The following RBFOX1 variants were observed in gnomAD, a reference collection of about 807,000 sequenced individuals.
RBFOX1 encodes RNA binding fox-1 homolog 1.
A neutral mutation model predicts 57.7 loss-of-function variants in RBFOX1; 8 were observed. The observed-to-expected ratio is 0.14, with a 90% CI of 0.08 to 0.25. RBFOX1 has a LOEUF of 0.25. Among genes scored for constraint, RBFOX1 ranks in the 10% least tolerant of loss-of-function variants. The pLI, the probability that RBFOX1 is intolerant of heterozygous loss-of-function variation, is 1.00. For missense variants in RBFOX1, 611 were observed against 548.5 expected (o/e 1.11, Z -1.14); for synonymous variants, 326 against 222.4 (o/e 1.47, Z -4.15).
At chr16:7,618,120 A>C (rs1261165198) in intron 10 of RBFOX1, among the ~76,000 whole-genome samples, 4 of 152,222 alleles carry the variant, frequency 2.6e-5, no homozygotes, top group African/African-American at 9.6e-5. Context: ...GAGATTAGAG[A>C]GTACCTTCTA....
intron 3 of RBFOX1, among the ~76,000 whole-genome samples, chr16:7,036,325 ATTTTT>A (rs1222692414): frequency 6.6e-6 from 1 of 152,034 alleles, no homozygotes; most frequent in Non-Finnish European, 1.5e-5. Flanking sequence ...GCAGTAGCCA[ATTTTT>A]CACAATCTTG....
At chr16:6,608,378 T>C (rs1248493749) in intron 2 of RBFOX1, among the ~76,000 whole-genome samples, 1 of 152,210 alleles carries the variant, frequency 6.6e-6, no homozygotes, top group Admixed American at 6.5e-5. Context: ...CTTTGTGGGT[T>C]TTGTTTATAT....
At chr16:6,632,520 C>A (rs1349032671) in intron 2 of RBFOX1, among the ~76,000 whole-genome samples, 1 of 152,114 alleles carries the variant, frequency 6.6e-6, no homozygotes, top group African/African-American at 2.4e-5. Context: ...GAATAAAAGT[C>A]CACTTGAGGA....
intron 3 of RBFOX1, among the ~76,000 whole-genome samples, chr16:6,888,506 ACT>A (rs751435747): frequency 1.3e-5 from 2 of 151,776 alleles, no homozygotes; most frequent in Non-Finnish European, 2.9e-5. Flanking sequence ...TTGCAATTGC[ACT>A]CTCTGTCTAC....
chr16:5,869,442 A>G (rs934634982), intron 4 of RBFOX1, among the ~76,000 whole-genome samples: 1 of 152,152 alleles, frequency 6.6e-6, no homozygotes, highest in African/African-American at 2.4e-5. Flanking sequence ...TCTCCCAGTC[A>G]CCAGGCTGGA....
chr16:6,895,998 T>A (rs1268181573), intron 3 of RBFOX1, among the ~76,000 whole-genome samples: 3 of 152,066 alleles, frequency 2.0e-5, no homozygotes, highest in Non-Finnish European at 4.4e-5. Flanking sequence ...TGTGAAATAA[T>A]CAAATCATGA....
At chr16:6,904,076 T>C (rs1461892861) in intron 3 of RBFOX1, among the ~76,000 whole-genome samples, 1 of 152,180 alleles carries the variant, frequency 6.6e-6, no homozygotes, top group African/African-American at 2.4e-5. Flanking sequence ...GCTGTGCGGG[T>C]ACAGCAAGTC....
intron 3 of RBFOX1, among the ~76,000 whole-genome samples, chr16:6,972,773 T>G (rs534704444): frequency 1.2e-4 from 19 of 152,018 alleles, no homozygotes; most frequent in Non-Finnish European, 2.6e-4. Context: ...GCTGGGTAGA[T>G]TTGATGTCGA....
rs1035450025 is a variant in RBFOX1, at chr16:6,606,689, A to T, written c.-63-47914A>T. Among the ~76,000 whole-genome samples the T allele has an allele frequency of 1.0e-3, 156 of 152,164 alleles. 1 individual carries two copies. The highest frequency in any genetic ancestry group is 3.6e-3 in the African/African-American group (150 of 41,508). Reference sequence around the variant, plus strand: ...TCCATGTCCCTGCAAAAAACATCTCATTCCTTTTTATGGCCGTATAGCATT... The same window carrying T: ...TCCATGTCCCTGCAAAAAACATCTCTTTCCTTTTTATGGCCGTATAGCATT... On this transcript the variant is annotated intron_variant, in intron 2 of 15. Transcript: ENST00000550418.
At chr16:6,711,060 T>C (rs2063625803) in intron 3 of RBFOX1, among the ~76,000 whole-genome samples, 1 of 152,208 alleles carries the variant, frequency 6.6e-6, no homozygotes, top group Non-Finnish European at 1.5e-5. Flanking sequence ...AAGGATTGCT[T>C]AGGCCAAAAC....
At chr16:6,960,280 A>T (rs1031373789) in intron 3 of RBFOX1, among the ~76,000 whole-genome samples, 9 of 152,164 alleles carry the variant, frequency 5.9e-5, no homozygotes, top group Non-Finnish European at 1.2e-4. Context: ...TTCAGGCCTC[A>T]GATCTTATAG....
At chr16:7,573,934 C>T (rs755076394) in intron 5 of RBFOX1, among the ~76,000 whole-genome samples, 1 of 152,102 alleles carries the variant, frequency 6.6e-6, no homozygotes, top group African/African-American at 2.4e-5. Flanking sequence ...CTATGAATTC[C>T]GTAGCCACTG....
intron 3 of RBFOX1, among the ~76,000 whole-genome samples, chr16:6,761,467 C>T (rs949715560): frequency 6.9e-6 from 1 of 144,294 alleles, no homozygotes; most frequent in Non-Finnish European, 1.5e-5. Flanking sequence ...TAAACATACA[C>T]TCCAGGTAAT....
rs115572930 is a variant in RBFOX1 at position 7,074,068 on chromosome 16, C to G, written c.27+21970C>G. On this transcript the variant is annotated intron_variant, in intron 4 of 15. Transcript: ENST00000550418. Reference sequence around the variant, plus strand: ...TAACAAGAAGGTTGGACAGTTTCAACGGAGACCATATGGCCCACAGAGCCT... The same window carrying G: ...TAACAAGAAGGTTGGACAGTTTCAAGGGAGACCATATGGCCCACAGAGCCT... Among the ~76,000 whole-genome samples, 1,297 of 152,234 alleles carry G rather than the reference C, an allele frequency of 8.5e-3. 12 individuals are homozygous for G. The highest frequency in any genetic ancestry group is 0.017 in the Middle Eastern group (5 of 294).
chr16:6,351,976 C>G (rs2086485736), intron 2 of RBFOX1, among the ~76,000 whole-genome samples: 1 of 152,152 alleles, frequency 6.6e-6, no homozygotes, highest in South Asian at 2.1e-4. Context: ...ACTGCAGAAC[C>G]AGCATTTGAG....
chr16:5,549,695 A>G (rs563254756), intron 2 of RBFOX1, among the ~76,000 whole-genome samples: 4 of 152,342 alleles, frequency 2.6e-5, no homozygotes, highest in South Asian at 2.1e-4. Flanking sequence ...AATACAAATC[A>G]TAGCATGGTT....
intron 4 of RBFOX1, among the ~76,000 whole-genome samples, chr16:7,059,131 C>T (rs377028597): frequency 6.6e-6 from 1 of 152,190 alleles, no homozygotes; most frequent in Non-Finnish European, 1.5e-5. Flanking sequence ...ATCTGGACAT[C>T]AGATAATGAA....
intron 1 of RBFOX1, among the ~76,000 whole-genome samples, chr16:5,368,266 C>G: frequency 6.6e-6 from 1 of 152,284 alleles, no homozygotes; most frequent in South Asian, 2.1e-4. Flanking sequence ...ACTTTTTTTA[C>G]GCTTGCGACT....
intron 1 of RBFOX1, among the ~76,000 whole-genome samples, chr16:6,295,518 G>C (rs1044238099): frequency 5.3e-5 from 8 of 152,168 alleles, no homozygotes; most frequent in Admixed American, 5.2e-4. Flanking sequence ...TGAGTACATA[G>C]CCTGTAGTTG....
Sources: gnomAD v4.1 joint callset for allele counts (sites outside exome capture counted in the v4.1 genomes callset) on GRCh38, gnomAD v4.1.1 for gene constraint, MANE v1.5 for transcripts, NCBI Gene and HGNC (gene_info 2026-07-23, HGNC 2026-07-21) for gene names.